The following RORA variants were observed in gnomAD, a reference collection of about 807,000 sequenced individuals.
RORA encodes nuclear receptor ROR-alpha.
A neutral mutation model predicts 69.5 loss-of-function variants in RORA; 7 were observed. That is an observed-to-expected ratio of 0.10 (90% CI 0.06 to 0.19). The LOEUF (loss-of-function observed/expected upper bound fraction) is 0.19. Ranked by LOEUF, RORA falls within the 10% of genes least tolerant of loss-of-function variation. The pLI is 1.00. For missense variants in RORA, 457 were observed against 663.0 expected, an observed-to-expected ratio of 0.69 and a Z score of 3.41; for synonymous variants, 261 against 240.8, an observed-to-expected ratio of 1.08 and a Z score of -0.78.
intron 1 of RORA, among the ~76,000 whole-genome samples, chr15:60,887,258 C>T (rs2073761972): frequency 6.6e-6 from 1 of 152,110 alleles, no homozygotes; most frequent in Non-Finnish European, 1.5e-5. Flanking sequence ...ATGAGATTTG[C>T]AACCTTTCGT....
chr15:60,901,004 C>T (rs978591323), intron 1 of RORA, among the ~76,000 whole-genome samples: 3 of 152,132 alleles, frequency 2.0e-5, no homozygotes, highest in African/African-American at 7.2e-5. Flanking sequence ...TCCTTTCCAC[C>T]TCTCCTTAGG....
At chr15:60,955,704 T>C (rs1043505872) in intron 1 of RORA, among the ~76,000 whole-genome samples, 1 of 152,190 alleles carries the variant, frequency 6.6e-6, no homozygotes, top group Admixed American at 6.5e-5. Flanking sequence ...TTGGCCCCCA[T>C]ATATGCTCTA....
chr15:60,768,701 G>T (rs2072025131), intron 1 of RORA, among the ~76,000 whole-genome samples: 1 of 152,204 alleles, frequency 6.6e-6, no homozygotes, highest in Non-Finnish European at 1.5e-5. Context: ...AAAATTAAGA[G>T]CAGGTGCACT....
intron 1 of RORA, among the ~76,000 whole-genome samples, chr15:60,679,641 A>C (rs993938723): frequency 1.3e-5 from 2 of 152,116 alleles, no homozygotes; most frequent in African/African-American, 4.8e-5. Context: ...GAACTATTTA[A>C]CCCTCCTTTG....
chr15:60,551,018 A>G (rs1242334904), intron 2 of RORA, among the ~76,000 whole-genome samples: 1 of 152,196 alleles, frequency 6.6e-6, no homozygotes, highest in Non-Finnish European at 1.5e-5. Context: ...GGATAGCTAC[A>G]AAGTCATAAA....
chr15:61,206,307 C>T (rs28415926), intron 1 of RORA, among the ~76,000 whole-genome samples: 7 of 152,088 alleles, frequency 4.6e-5, no homozygotes, highest in East Asian at 1.9e-4. Flanking sequence ...ACCCAGCAAG[C>T]GTCAGGCATT....
At chr15:60,629,877 C>T (rs972501904) in intron 2 of RORA, among the ~76,000 whole-genome samples, 1 of 152,194 alleles carries the variant, frequency 6.6e-6, no homozygotes, top group African/African-American at 2.4e-5. Flanking sequence ...CATAAATCAA[C>T]ACTGAGAATG....
chr15:61,219,553 C>T (rs918833470), intron 1 of RORA, among the ~76,000 whole-genome samples: 5 of 151,312 alleles, frequency 3.3e-5, no homozygotes, highest in South Asian at 2.1e-4. Flanking sequence ...CCAGCCTGGG[C>T]GACAGAGCAA....
chr15:61,141,522 G>C (rs1189968971), intron 1 of RORA, among the ~76,000 whole-genome samples: 2 of 152,100 alleles, frequency 1.3e-5, no homozygotes, highest in African/African-American at 4.8e-5. Flanking sequence ...AAAGAAACCA[G>C]AATAATGCAT....
At chr15:60,723,238 A>C (rs1325000048) in intron 1 of RORA, among the ~76,000 whole-genome samples, 1 of 152,200 alleles carries the variant, frequency 6.6e-6, no homozygotes, top group South Asian at 2.1e-4. Flanking sequence ...TTAACATATA[A>C]AGTTTTATTT....
rs1017091392 is a variant in RORA at position 61,154,945 on chromosome 15, T to C, written c.166+74108A>G. On this transcript the variant is annotated intron_variant, in intron 1 of 10. Coordinates refer to ENST00000335670, the MANE Select transcript of RORA (RefSeq NM_134261.3). ...CAAGGAGTATTTCTTTGGGCACAGA[T>C]GCAGAGATTATCACGTTCCCGGATC... Among the ~76,000 whole-genome samples, 7 of 152,214 alleles carry C rather than the reference T, an allele frequency of 4.6e-5. No individual in the cohort carries two copies. The East Asian group carries it at 1.3e-3, about 29-fold the overall frequency.
chr15:61,205,858 T>C (rs1387909474), intron 1 of RORA, among the ~76,000 whole-genome samples: 6 of 152,050 alleles, frequency 3.9e-5, no homozygotes, highest in Non-Finnish European at 5.9e-5. Flanking sequence ...CGGAGACACA[T>C]TTAATGCAGT....
At chr15:60,715,184 T>C (rs1346130077) in intron 1 of RORA, among the ~76,000 whole-genome samples, 1 of 152,194 alleles carries the variant, frequency 6.6e-6, no homozygotes, top group Non-Finnish European at 1.5e-5. Flanking sequence ...GCCTTGGCCA[T>C]ACCTCCCAAT....
At chr15:60,757,963 C>T (rs1468992783) in intron 1 of RORA, among the ~76,000 whole-genome samples, 1 of 152,190 alleles carries the variant, frequency 6.6e-6, no homozygotes, top group East Asian at 1.9e-4. Context: ...GCAGACATTG[C>T]TAGCAGATCT....
At chr15:60,635,018 C>T (rs1269468846) in intron 2 of RORA, among the ~76,000 whole-genome samples, 3 of 152,172 alleles carry the variant, frequency 2.0e-5, no homozygotes, top group East Asian at 1.9e-4. Flanking sequence ...ATACCTTTTG[C>T]CTCCTACACA....
At chr15:60,735,515 C>G (rs994524085) in intron 1 of RORA, among the ~76,000 whole-genome samples, 2 of 151,520 alleles carry the variant, frequency 1.3e-5, no homozygotes, top group African/African-American at 2.4e-5. Flanking sequence ...GAAATAAAAC[C>G]AGATGCGCTG....
chr15:60,598,604 TA>T (rs1211617640), intron 2 of RORA: 1 of 152,262 alleles, frequency 6.6e-6, no homozygotes, highest in African/African-American at 2.4e-5. Flanking sequence ...ATAATACATA[TA>T]ACATACAAAA....
chr15:60,554,131 C>T (rs1319489693), intron 2 of RORA, among the ~76,000 whole-genome samples: 2 of 152,168 alleles, frequency 1.3e-5, no homozygotes, highest in African/African-American at 2.4e-5. Flanking sequence ...AGTCACTTCT[C>T]TTTCTCTGTG....
At chr15:61,188,337 A>C (rs2079764373) in intron 1 of RORA, among the ~76,000 whole-genome samples, 1 of 152,214 alleles carries the variant, frequency 6.6e-6, no homozygotes, top group Non-Finnish European at 1.5e-5. Flanking sequence ...GCTGTGTTCG[A>C]ATAAAACTTT....
Sources: allele counts gnomAD v4.1 joint callset (sites outside exome capture counted in the v4.1 genomes callset), GRCh38; gene constraint gnomAD v4.1.1; transcripts MANE v1.5; gene names NCBI Gene and HGNC (gene_info 2026-07-23, HGNC 2026-07-21).